Variants in MED13 observed in about 807,000 individuals in gnomAD.
MED13 encodes the protein mediator complex subunit 13.
A neutral mutation model predicts 225.2 loss-of-function variants in MED13; 23 were observed. The observed-to-expected ratio is 0.10, with a 90% CI of 0.07 to 0.14. MED13 has a LOEUF of 0.14. Among genes scored for constraint, MED13 ranks in the 10% least tolerant of loss-of-function variants. MED13 has a pLI of 1.00. For synonymous variants in MED13, 942 were observed against 889.2 expected (o/e 1.06, Z -1.06); for missense variants, 2,197 against 2,594.5 (o/e 0.85, Z 3.33).
chr17:61,963,999 T>TA lies in MED13; in HGVS notation c.4844+1006dup, dbSNP rs145985812. Among the ~76,000 whole-genome samples the TA allele has an allele frequency of 2.4e-3, 373 of 152,310 alleles. 1 individual carries two copies. The highest frequency in any genetic ancestry group is 6.8e-3 in the Middle Eastern group (2 of 294). On this transcript the variant is annotated intron_variant, in intron 20 of 29. Coordinates refer to ENST00000397786, the MANE Select transcript of MED13 (RefSeq NM_005121.3). ...AGATAAGAAAACATGCTCAGAAAGT[T>TA]AGAGTTTCCCCGAAGTCACAAAGCA...
chr17:61,993,199 TC>T lies in MED13; in HGVS notation c.2182-579del, dbSNP rs370239461. On this transcript the variant is annotated intron_variant, in intron 10 of 29. Coordinates refer to ENST00000397786, the MANE Select transcript of MED13 (RefSeq NM_005121.3). ...AGTCCATGTTCTTTCTTTCTTTCTTTCTTTTTTTTTTTTTTTTTTTGAGACA... is the reference window on the plus strand; with the variant it reads ...AGTCCATGTTCTTTCTTTCTTTCTTTTTTTTTTTTTTTTTTTTTTGAGACA... Among the ~76,000 whole-genome samples, 450 of 141,864 alleles carry T rather than the reference TC, an allele frequency of 3.2e-3. 13 individuals carry two copies. Among genetic ancestry groups the T allele is most frequent in the African/African-American group, 9.7e-3 (347 of 35,640 alleles). 93.1% of individuals were successfully genotyped at this position (141,864 alleles called of 152,430 possible).
chr17:62,008,036 A>T (rs969508232), intron 9 of MED13, among the ~76,000 whole-genome samples: 2 of 142,330 alleles, frequency 1.4e-5, no homozygotes, highest in Admixed American at 6.9e-5. Context: ...AAAAAAAAAA[A>T]GCTGTGCGCA....
In MED13 at chr17:62,012,760, C is replaced by T. The variant is rs528041698; in HGVS notation, c.1284-1527G>A. On this transcript the variant is annotated intron_variant, in intron 8 of 29. Transcript: ENST00000397786. ...GAGTATTAAAAAGCAGTGACAGGCACTTATTTGAAAAACTCTGTTGAGAAG... is the reference window on the plus strand; with the variant it reads ...GAGTATTAAAAAGCAGTGACAGGCATTTATTTGAAAAACTCTGTTGAGAAG... 7.9e-5 allele frequency among the ~76,000 whole-genome samples: 12 copies of T among 151,408 alleles called. No individual in the cohort carries two copies. In the South Asian group the frequency reaches 2.5e-3, roughly 32 times the overall value.
chr17:61,980,834 C>T (rs1477582357), intron 16 of MED13, among the ~76,000 whole-genome samples: 1 of 151,914 alleles, frequency 6.6e-6, no homozygotes, highest in African/African-American at 2.4e-5. Flanking sequence ...CCTCCGCCCC[C>T]CAGGTTCAAG....
rs995184456 is a variant in MED13 at position 61,995,205 on chromosome 17, G to A, written c.2128C>T (p.Pro710Ser). The A allele has an allele frequency of 6.2e-7, 1 of 1,613,228 alleles. No individual in the cohort carries two copies. Among genetic ancestry groups the A allele is most frequent in the Non-Finnish European group, 8.5e-7 (1 of 1,179,806 alleles). ...CTATTTTGTCTATCTTTTTTATCAG[G>A]AAAAAGGAATTCCTCATCTCCTTCA... Reference protein sequence around the residue: ...FVEGDEEFLFPDKKDRQNSER... With the variant: ...FVEGDEEFLFSDKKDRQNSER... The change falls in exon 10 of 30, where the codon CCT becomes TCT. Residue 710 changes from proline to serine, a missense_variant. Pro to Ser is a moderately conservative substitution (Grantham distance 74, BLOSUM62 -1). Coordinates refer to ENST00000397786, the MANE Select transcript of MED13 (RefSeq NM_005121.3).
At chr17:61,957,736 T>C (rs1424094490) in intron 23 of MED13, among the ~76,000 whole-genome samples, 1 of 152,196 alleles carries the variant, frequency 6.6e-6, no homozygotes, top group Non-Finnish European at 1.5e-5. Flanking sequence ...TGTTCTATAC[T>C]ATAAGTTGAA....
chr17:62,007,880 G>A (rs1356642563), intron 9 of MED13, among the ~76,000 whole-genome samples: 1 of 151,470 alleles, frequency 6.6e-6, no homozygotes, highest in African/African-American at 2.4e-5. Flanking sequence ...TTAGCAGAGT[G>A]TGCTGGTGCG....
chr17:61,972,959 T>C, intron 16 of MED13, 71 bp from the exon 17 acceptor site: 1 of 1,324,880 alleles, frequency 7.5e-7, no homozygotes, highest in Admixed American at 2.4e-5. Flanking sequence ...TTTAAGATAA[T>C]ACAAAACACA....
At chr17:61,960,296 C>G (rs2079987902) in intron 23 of MED13, among the ~76,000 whole-genome samples, 1 of 150,836 alleles carries the variant, frequency 6.6e-6, no homozygotes, top group East Asian at 1.9e-4. Context: ...GAGACAGAGT[C>G]TCATTCTTGT....
chr17:61,995,991 C>T (rs1021577519), intron 9 of MED13, among the ~76,000 whole-genome samples: 2 of 152,162 alleles, frequency 1.3e-5, no homozygotes, highest in African/African-American at 2.4e-5. Flanking sequence ...AGTTATTAGT[C>T]TTCTGGTTCA....
intron 8 of MED13, among the ~76,000 whole-genome samples, chr17:62,012,240 C>CA (rs1198307657): frequency 6.7e-6 from 1 of 148,960 alleles, no homozygotes; most frequent in Non-Finnish European, 1.5e-5. Context: ...CAAAAACAAA[C>CA]AAAAAAAAGA....
chr17:61,989,169 C>G (rs1222320900), intron 11 of MED13, among the ~76,000 whole-genome samples: 1 of 151,970 alleles, frequency 6.6e-6, no homozygotes, highest in Non-Finnish European at 1.5e-5. Context: ...TGCCACCACA[C>G]CCGGCTGATT....
chr17:62,005,894 C>A (rs921288020), intron 9 of MED13: 3 of 152,142 alleles, frequency 2.0e-5, no homozygotes, highest in African/African-American at 7.2e-5. Flanking sequence ...TGATGCTGAA[C>A]TTGATGCAGA....
Position 61,982,345 on chromosome 17 carries a change from A to T in MED13, c.3658T>A (p.Trp1220Arg). ...CAGTCACGCTCTTCAACACGTACCC[A>T]ATTGCTAATTACACCACTTTTAGGA... ...PFPKSGVISN[W>R]VRVEERDCCN... Residue 1220 changes from tryptophan to arginine, a missense_variant, in exon 16 of 30, where the codon TGG (tryptophan) becomes AGG (arginine). Coordinates refer to ENST00000397786, the MANE Select transcript of MED13 (RefSeq NM_005121.3). The T allele has an allele frequency of 6.2e-7, 1 of 1,614,188 alleles. No homozygotes were observed. Among genetic ancestry groups the T allele is most frequent in the African/African-American group, 1.3e-5 (1 of 75,044 alleles).
At chr17:61,975,333 GACA>G (rs1487898477) in intron 16 of MED13, among the ~76,000 whole-genome samples, 2 of 152,134 alleles carry the variant, frequency 1.3e-5, no homozygotes, top group Admixed American at 6.5e-5. Context: ...TATACAAATG[GACA>G]ACAAGCACAT....
chr17:62,021,440 G>A (rs1258355491), intron 8 of MED13, among the ~76,000 whole-genome samples: 31 of 136,256 alleles, frequency 2.3e-4, no homozygotes, highest in African/African-American at 5.8e-4. Flanking sequence ...CCTCCCTCCC[G>A]GACGGGGCGG....
At chr17:61,994,708 A>G (rs1567965981) in intron 10 of MED13, among the ~76,000 whole-genome samples, 1 of 151,996 alleles carries the variant, frequency 6.6e-6, no homozygotes, top group Admixed American at 6.6e-5. Context: ...AAAAAAATAC[A>G]TTTTTCTTTT....
Position 61,981,447 on chromosome 17 carries a change from T to C in MED13, c.3805+751A>G, listed in dbSNP as rs537422624. Among the ~76,000 whole-genome samples, 6 of 152,336 alleles carry C rather than the reference T, an allele frequency of 3.9e-5. No homozygotes were observed. The South Asian group carries it at 8.3e-4, about 21-fold the overall frequency. On this transcript the variant is annotated intron_variant, in intron 16 of 29. Transcript: ENST00000397786. ...CTTACATGGTCTATAAGACTCTAAA[T>C]GATGCTGGTGAATGGCTACCTCCTA... is the stretch of plus-strand genomic sequence containing the variant.
chr17:62,053,015 A>T (rs1357842521), intron 2 of MED13, among the ~76,000 whole-genome samples: 1 of 152,214 alleles, frequency 6.6e-6, no homozygotes, highest in African/African-American at 2.4e-5. Flanking sequence ...TGTTTGTATA[A>T]CCTGGAAAAT....
Sources: allele counts gnomAD v4.1 joint callset (sites outside exome capture counted in the v4.1 genomes callset), GRCh38; gene constraint gnomAD v4.1.1; transcripts MANE v1.5; gene names NCBI Gene and HGNC (gene_info 2026-07-23, HGNC 2026-07-21).